The following TMTC1 variants were observed in gnomAD, a reference collection of about 807,000 sequenced individuals.
TMTC1 encodes the protein protein O-mannosyl-transferase TMTC1.
In TMTC1, 73 loss-of-function variants were observed where a neutral mutation model predicts 104.8. That is an observed-to-expected ratio of 0.70 (90% CI 0.58 to 0.85). The LOEUF is 0.85. Ranked by LOEUF, TMTC1 falls within the 40% of genes least tolerant of loss-of-function variation. The pLI is 0.00. For missense variants in TMTC1, 1,035 were observed against 1,096.1 expected (o/e 0.94, Z 0.79); for synonymous variants, 434 against 428.7 (o/e 1.01, Z -0.15).
chr12:29,540,055 GT>G (rs1441982910), intron 10 of TMTC1, among the ~76,000 whole-genome samples: 4 of 151,808 alleles, frequency 2.6e-5, no homozygotes, highest in African/African-American at 9.7e-5. Context: ...TGATATTTCA[GT>G]TTTTTTTTCT....
chr12:29,573,702 G>A (rs951105064), intron 8 of TMTC1, among the ~76,000 whole-genome samples: 2 of 152,170 alleles, frequency 1.3e-5, no homozygotes, highest in African/African-American at 4.8e-5. Flanking sequence ...GTCCTATGCA[G>A]AGGACCCCAA....
intron 5 of TMTC1, chr12:29,661,298 A>G (rs1940010917): frequency 1.1e-6 from 1 of 904,912 alleles, no homozygotes; most frequent in South Asian, 5.1e-5. Context: ...CTTAAACAAA[A>G]TAAGAGTTTA....
intron 5 of TMTC1, among the ~76,000 whole-genome samples, chr12:29,717,447 T>G (rs76804777): frequency 0.021 from 3,141 of 152,270 alleles, 117 homozygotes; most frequent in African/African-American, 0.069. Flanking sequence ...TGGCTCAGCC[T>G]CAGTTGCAAC....
At chr12:29,577,338 A>C (rs559041730) in intron 8 of TMTC1, among the ~76,000 whole-genome samples, 1 of 151,680 alleles carries the variant, frequency 6.6e-6, no homozygotes, top group African/African-American at 2.4e-5. Context: ...GGCTGAGATG[A>C]GATGAGATCT....
At chr12:29,512,229 C>A (rs942368190) in intron 16 of TMTC1, 109 bp from the exon 17 acceptor site, 9 of 770,054 alleles carry the variant, frequency 1.2e-5, no homozygotes, top group Non-Finnish European at 1.9e-5. Context: ...TACAATGAAA[C>A]CAGCCGCTAC....
chr12:29,565,889 T>C (rs1945498422), intron 9 of TMTC1, among the ~76,000 whole-genome samples: 1 of 152,232 alleles, frequency 6.6e-6, no homozygotes, highest in Admixed American at 6.5e-5. Context: ...GAAGTTTACA[T>C]GTAGCATTGT....
chr12:29,660,696 T>C (rs1384555872), intron 5 of TMTC1: 1 of 331,538 alleles, frequency 3.0e-6, no homozygotes, highest in Non-Finnish European at 5.0e-6. Flanking sequence ...TTAGAGTCTA[T>C]TGCTGATTCT....
At chr12:29,633,452 G>A in intron 5 of TMTC1, 116 bp from the exon 6 acceptor site, 1 of 851,032 alleles carries the variant, frequency 1.2e-6, no homozygotes, top group Non-Finnish European at 1.7e-6. Flanking sequence ...TTATCTTGGA[G>A]GAGAAGACAA....
At chr12:29,697,044 C>A (rs1941444551) in intron 5 of TMTC1, among the ~76,000 whole-genome samples, 1 of 152,158 alleles carries the variant, frequency 6.6e-6, no homozygotes, top group South Asian at 2.1e-4. Context: ...TCCATGAAAG[C>A]AGGAGATTTT....
intron 8 of TMTC1, among the ~76,000 whole-genome samples, chr12:29,577,731 G>A (rs1945863855): frequency 6.6e-6 from 1 of 152,072 alleles, no homozygotes; most frequent in African/African-American, 2.4e-5. Context: ...GGTGGGTGCT[G>A]AAATACTAAC....
At chr12:29,512,631 G>C (rs1330724496) in intron 16 of TMTC1, among the ~76,000 whole-genome samples, 1 of 152,080 alleles carries the variant, frequency 6.6e-6, no homozygotes, top group Admixed American at 6.6e-5. Context: ...TACTTTACTA[G>C]GGGATAGTTT....
intron 10 of TMTC1, among the ~76,000 whole-genome samples, chr12:29,539,498 C>T (rs568787463): frequency 6.6e-6 from 1 of 152,282 alleles, no homozygotes; most frequent in East Asian, 1.9e-4. Context: ...TTATTAATGT[C>T]CAACTACCTA....
rs73271754 is a variant in TMTC1, at chr12:29,680,587, T to A, written c.939-47251A>T. ...GTCAATATTGCCTATGGTAATATTA[T>A]CCCTGATTGATAAACTGCAACTAAA... On this transcript the variant is annotated intron_variant, in intron 5 of 17. Coordinates refer to ENST00000539277, the MANE Select transcript of TMTC1 (RefSeq NM_001193451.2). 1.0e-2 allele frequency among the ~76,000 whole-genome samples: 1,523 copies of A among 152,302 alleles called. 32 individuals carry two copies. Among genetic ancestry groups the A allele is most frequent in the African/African-American group, 0.035 (1,446 of 41,572 alleles).
intron 11 of TMTC1, among the ~76,000 whole-genome samples, chr12:29,523,412 T>G (rs2136166671): frequency 6.6e-6 from 1 of 152,294 alleles, no homozygotes; most frequent in Non-Finnish European, 1.5e-5. Context: ...TTGAACATAG[T>G]TTGAACAGCT....
intron 11 of TMTC1, among the ~76,000 whole-genome samples, chr12:29,531,161 C>A (rs1018268827): frequency 2.0e-5 from 3 of 152,108 alleles, no homozygotes; most frequent in Admixed American, 6.5e-5. Context: ...AACACTCTGG[C>A]GCTTGGTGGC....
At chr12:29,682,100 TG>T (rs1565765275) in intron 5 of TMTC1, among the ~76,000 whole-genome samples, 1 of 152,070 alleles carries the variant, frequency 6.6e-6, no homozygotes, top group Non-Finnish European at 1.5e-5. Context: ...ATAAAAGACA[TG>T]AAGTGGTGTT....
At chr12:29,611,785 T>C (rs1194154144) in intron 6 of TMTC1, among the ~76,000 whole-genome samples, 1 of 152,212 alleles carries the variant, frequency 6.6e-6, no homozygotes, top group Non-Finnish European at 1.5e-5. Context: ...TTATTATATG[T>C]GTGTTTCACA....
At chr12:29,634,035 C>G (rs1938429401) in intron 5 of TMTC1, among the ~76,000 whole-genome samples, 1 of 152,186 alleles carries the variant, frequency 6.6e-6, no homozygotes, top group South Asian at 2.1e-4. Context: ...CACATAACAA[C>G]TTTGTCCAAA....
chr12:29,556,772 T>G (rs538868997), intron 10 of TMTC1, 85 bp downstream of exon 10: 13 of 1,561,480 alleles, frequency 8.3e-6, no homozygotes, highest in Middle Eastern at 3.5e-4. Context: ...GAGAGGCAAG[T>G]GCAGCACAAT....
Sources: gnomAD v4.1 joint callset for allele counts (sites outside exome capture counted in the v4.1 genomes callset) on GRCh38, gnomAD v4.1.1 for gene constraint, MANE v1.5 for transcripts, NCBI Gene and HGNC (gene_info 2026-07-23, HGNC 2026-07-21) for gene names.